Variants in EAF1 observed in about 807,000 individuals in gnomAD.
The protein encoded by EAF1 is ELL-associated factor 1.
A neutral mutation model predicts 26.6 loss-of-function variants in EAF1; 19 were observed. That is an observed-to-expected ratio of 0.71 (90% CI 0.50 to 1.05). The LOEUF is 1.05. Ranked by LOEUF, EAF1 falls within the 50% of genes least tolerant of loss-of-function variation. The pLI, the probability that EAF1 is intolerant of heterozygous loss-of-function variation, is 0.00. For missense variants in EAF1, 260 were observed against 335.5 expected, an observed-to-expected ratio of 0.78 and a Z score of 1.76; for synonymous variants, 102 against 120.6, an observed-to-expected ratio of 0.85 and a Z score of 1.01.
rs1166750176 is a variant in EAF1, at chr3:15,441,216, A to G, written c.*2061A>G. ...CGGCTTCAATTTTGTTCTCTGCACA[A>G]AGCCTTTGGTGGTTCTGCCCTCTGC... On this transcript the variant is annotated 3_prime_UTR_variant, in exon 6 of 6. Coordinates refer to ENST00000396842, the MANE Select transcript of EAF1 (RefSeq NM_033083.7). 6.5e-6 allele frequency: 1 copy of G among 153,790 alleles called. No homozygotes were observed. Among genetic ancestry groups the G allele is most frequent in the Non-Finnish European group, 1.5e-5 (1 of 68,122 alleles). 9.5% of individuals were successfully genotyped at this position (153,790 alleles called of 1,614,324 possible). A position where few individuals can be genotyped will look rare whatever the true frequency, so the allele number is the denominator to read the frequency against.
At chr3:15,433,202 T>C (rs1043174926) in intron 3 of EAF1, 11 of 144,926 alleles carry the variant, frequency 7.6e-5, no homozygotes, top group Non-Finnish European at 1.3e-4. Context: ...GTATATGTGC[T>C]GCCGAAGTGA....
At chr3:15,437,302 G>T (rs2061841840) in intron 5 of EAF1, among the ~76,000 whole-genome samples, 1 of 146,802 alleles carries the variant, frequency 6.8e-6, no homozygotes, top group African/African-American at 2.5e-5. Context: ...CCAGGCTGGA[G>T]TGCAGCGGCA....
At chr3:15,437,502 G>A (rs1238819331) in intron 5 of EAF1, among the ~76,000 whole-genome samples, 1 of 151,824 alleles carries the variant, frequency 6.6e-6, no homozygotes, top group Non-Finnish European at 1.5e-5. Flanking sequence ...TGCCCAGGCT[G>A]GTCTTGAACT....
chr3:15,428,299 G>A (rs1383086756), intron 1 of EAF1, among the ~76,000 whole-genome samples: 1 of 150,950 alleles, frequency 6.6e-6, no homozygotes, highest in Non-Finnish European at 1.5e-5. Flanking sequence ...TTTAAAAGAC[G>A]CTTCTTGTTT....
chr3:15,434,670 C>A, intron 4 of EAF1, 132 bp downstream of exon 4: 3 of 1,118,910 alleles, frequency 2.7e-6, no homozygotes, highest in Non-Finnish European at 3.8e-6. Context: ...GTCTGCAGAG[C>A]TCACTGTTCA....
intron 4 of EAF1, among the ~76,000 whole-genome samples, chr3:15,436,000 A>G (rs1414042634): frequency 1.3e-5 from 2 of 152,176 alleles, no homozygotes; most frequent in Non-Finnish European, 2.9e-5. Context: ...TGTGGGAATT[A>G]TGGTTTTATC....
intron 3 of EAF1, among the ~76,000 whole-genome samples, chr3:15,432,955 T>G (rs1011695046): frequency 4.6e-5 from 7 of 152,120 alleles, no homozygotes; most frequent in Non-Finnish European, 1.0e-4. Flanking sequence ...AAGCCATTTT[T>G]TTTTCATTCA....
At chr3:15,430,072 G>A (rs1278287005) in intron 2 of EAF1, 65 bp downstream of exon 2, 31 of 1,191,648 alleles carry the variant, frequency 2.6e-5, no homozygotes, top group Non-Finnish European at 3.4e-5. Flanking sequence ...TTATATTATT[G>A]CAATTTAAAC....
At chr3:15,437,631 A>G (rs116478743) in intron 5 of EAF1, among the ~76,000 whole-genome samples, 94 of 152,308 alleles carry the variant, frequency 6.2e-4, no homozygotes, top group Middle Eastern at 6.8e-3. Context: ...CAGGAAAACA[A>G]GAACAAAAAT....
In EAF1 at chr3:15,441,794, C is replaced by T. The variant is rs2061872076; in HGVS notation, c.*2639C>T. The stretch of plus-strand genomic sequence containing the variant: ...GGGGTAGAAGGCAGAGAAGACTACC[C>T]AGCCAGTGAAGTGCAGAGGATAGAC... On this transcript the variant is annotated 3_prime_UTR_variant, in exon 6 of 6. Coordinates refer to ENST00000396842, the MANE Select transcript of EAF1 (RefSeq NM_033083.7). 1 of 152,654 alleles carries T rather than the reference C, an allele frequency of 6.6e-6. No homozygotes were observed. Among genetic ancestry groups the T allele is most frequent in the African/African-American group, 2.4e-5 (1 of 41,446 alleles). The allele number at this position is 152,654 out of a possible 1,614,324, so 9.5% of individuals were successfully genotyped here.
intron 2 of EAF1, among the ~76,000 whole-genome samples, 189 bp downstream of exon 2, chr3:15,430,196 T>G (rs2061794364): frequency 6.6e-6 from 1 of 152,062 alleles, no homozygotes; most frequent in South Asian, 2.1e-4. Flanking sequence ...TTAAAAATAA[T>G]TCTTGTAATC....
In EAF1 at chr3:15,434,508, C is replaced by G. The variant is rs1237028727; in HGVS notation, c.496C>G (p.Pro166Ala). Residue 166 changes from proline to alanine, a missense_variant, in exon 4 of 6, where the codon CCT (proline) becomes GCT (alanine). Coordinates refer to ENST00000396842, the MANE Select transcript of EAF1 (RefSeq NM_033083.7). ...KTSPLKDNPSPEPQLDDIKRE... is the reference protein window; with the variant it reads ...KTSPLKDNPSAEPQLDDIKRE... ...TTCTCCCTTGAAAGATAACCCCTCA[C>G]CTGAACCTCAGTTGGATGACATCAA... The G allele has an allele frequency of 1.2e-6, 2 of 1,614,194 alleles. No individual in the cohort carries two copies. Among genetic ancestry groups the G allele is most frequent in the East Asian group, 2.2e-5 (1 of 44,888 alleles).
At position 15,436,181 on chromosome 3, in the gene EAF1, G is replaced by A. The variant is rs532966683; in HGVS notation, c.527-161G>A. The A allele has an allele frequency of 2.1e-4, 101 of 489,400 alleles. No homozygotes were observed. In the East Asian group the frequency reaches 3.1e-3, roughly 15 times the overall value. The allele number at this position is 489,400 out of a possible 1,614,324, so 30.3% of individuals were successfully genotyped here. Reference sequence around the variant, plus strand: ...GGAAACAGGCTGTGTTTTTGTTTTGGTAATTTTGTTTGTACATTTTTTAAG... The same window carrying A: ...GGAAACAGGCTGTGTTTTTGTTTTGATAATTTTGTTTGTACATTTTTTAAG... On this transcript the variant is annotated intron_variant, in intron 4 of 5. Coordinates refer to ENST00000396842, the MANE Select transcript of EAF1 (RefSeq NM_033083.7).
rs1203033316 is a variant in EAF1 at position 15,441,407 on chromosome 3, T to C, written c.*2252T>C. Reference sequence around the variant, plus strand: ...CCTTCTCTCCCTCCATACCCCACTTTTGAGGTTCTGTGGGTACCATCTTTG... The same window carrying C: ...CCTTCTCTCCCTCCATACCCCACTTCTGAGGTTCTGTGGGTACCATCTTTG... On this transcript the variant is annotated 3_prime_UTR_variant, in exon 6 of 6. Transcript: ENST00000396842. 2 of 153,778 alleles carry C rather than the reference T, an allele frequency of 1.3e-5. No individual in the cohort carries two copies. The highest frequency in any genetic ancestry group is 2.9e-5 in the Non-Finnish European group (2 of 68,100). The allele number at this position is 153,778 out of a possible 1,614,324, so 9.5% of individuals were successfully genotyped here.
At position 15,430,132 on chromosome 3, in the gene EAF1, A is replaced by C. The variant is rs534401766; in HGVS notation, c.198+125A>C. The C allele has an allele frequency of 4.6e-5, 35 of 765,566 alleles. No homozygotes were observed. In the Middle Eastern group the frequency reaches 1.1e-3, roughly 23 times the overall value. The allele number at this position is 765,566 out of a possible 1,614,324, so 47.4% of individuals were successfully genotyped here. A position where few individuals can be genotyped will look rare whatever the true frequency, so the allele number is the denominator to read the frequency against. On this transcript the variant is annotated intron_variant, in intron 2 of 5. Coordinates refer to ENST00000396842, the MANE Select transcript of EAF1 (RefSeq NM_033083.7). Reference sequence around the variant, plus strand: ...TTTCTAAAGTGGCAACTTAAGGAAAAAAGTAATTTTGGGGAGTGGGGTGGG... The same window carrying C: ...TTTCTAAAGTGGCAACTTAAGGAAACAAGTAATTTTGGGGAGTGGGGTGGG...
At chr3:15,430,627 T>C (rs1035193253) in intron 2 of EAF1, among the ~76,000 whole-genome samples, 1 of 152,154 alleles carries the variant, frequency 6.6e-6, no homozygotes, top group Non-Finnish European at 1.5e-5. Flanking sequence ...GCTGATTATA[T>C]GGCCACAACA....
chr3:15,428,214 C>T (rs1244245072), intron 1 of EAF1, among the ~76,000 whole-genome samples: 1 of 151,046 alleles, frequency 6.6e-6, no homozygotes, highest in Non-Finnish European at 1.5e-5. Context: ...GCAAACCTCC[C>T]CCCTCTTATC....
chr3:15,431,371 G>A (rs558448778), intron 2 of EAF1, among the ~76,000 whole-genome samples: 22 of 152,350 alleles, frequency 1.4e-4, no homozygotes, highest in African/African-American at 4.8e-4. Flanking sequence ...CATTTAAAGA[G>A]AGGGGGCAGG....
chr3:15,438,961 A>G (rs1455579095), intron 5 of EAF1, 148 bp from the exon 6 acceptor site: 3 of 713,218 alleles, frequency 4.2e-6, no homozygotes, highest in East Asian at 5.5e-5. Context: ...CAGTGAGCCA[A>G]TTTGATTTTC....
Sources: allele counts gnomAD v4.1 joint callset (sites outside exome capture counted in the v4.1 genomes callset), GRCh38; gene constraint gnomAD v4.1.1; transcripts MANE v1.5; gene names NCBI Gene and HGNC (gene_info 2026-07-23, HGNC 2026-07-21).